Variants in RBFOX1 observed in about 807,000 individuals in gnomAD.
RBFOX1 encodes the protein RNA binding protein fox-1 homolog 1.
Under a neutral mutation model 57.7 loss-of-function variants are expected in RBFOX1, and 8 were observed. The ratio of observed to expected loss-of-function variants is 0.14; its 90% CI spans 0.08 to 0.25. The LOEUF is 0.25. Among genes scored for constraint, RBFOX1 ranks in the 10% least tolerant of loss-of-function variants. The probability of loss-of-function intolerance (pLI) is 1.00; values close to 1 mark genes in which losing one functional copy is unlikely to be tolerated. For synonymous variants in RBFOX1, 326 were observed against 222.4 expected (o/e 1.47, Z -4.15); for missense variants, 611 against 548.5 (o/e 1.11, Z -1.14).
intron 2 of RBFOX1, among the ~76,000 whole-genome samples, chr16:6,539,508 A>G (rs2110614): frequency 9.9e-5 from 15 of 151,764 alleles, no homozygotes; most frequent in African/African-American, 3.6e-4. Flanking sequence ...TTTAAAACAC[A>G]CACGTACAGT....
intron 4 of RBFOX1, among the ~76,000 whole-genome samples, chr16:7,238,808 A>G (rs1333146456): frequency 1.3e-5 from 2 of 152,108 alleles, no homozygotes; most frequent in Non-Finnish European, 2.9e-5. Context: ...CCACCTGCCA[A>G]GAGACCCCAG....
At chr16:7,597,509 C>A in intron 9 of RBFOX1, 78 bp downstream of exon 9, 6 of 1,317,454 alleles carry the variant, frequency 4.6e-6, no homozygotes, top group South Asian at 3.9e-5. Flanking sequence ...GATTCTATTA[C>A]AACAAGCTGT....
At chr16:6,036,331 G>A (rs781209856) in intron 1 of RBFOX1, among the ~76,000 whole-genome samples, 6 of 152,026 alleles carry the variant, frequency 3.9e-5, no homozygotes, top group South Asian at 4.2e-4. Context: ...GGCAACACAG[G>A]TTTCAGAGTT....
rs138962984 is a variant in RBFOX1, at chr16:6,159,305, G to A, written c.-127+139313G>A. On this transcript the variant is annotated intron_variant, in intron 1 of 15. Coordinates refer to ENST00000550418, the MANE Select transcript of RBFOX1 (RefSeq NM_018723.4). ...TTGGCCAAGTTGGTCTTGAACTCCT[G>A]ACCTCAGGTGATCTGCCCGCCTCGG... Among the ~76,000 whole-genome samples, 1,269 of 152,226 alleles carry A rather than the reference G, an allele frequency of 8.3e-3. 8 individuals carry two copies. The highest frequency in any genetic ancestry group is 0.014 in the Non-Finnish European group (950 of 68,012).
At chr16:6,784,762 G>C (rs1346824176) in intron 3 of RBFOX1, among the ~76,000 whole-genome samples, 2 of 151,952 alleles carry the variant, frequency 1.3e-5, no homozygotes, top group Non-Finnish European at 2.9e-5. Context: ...TGTGGTCGGG[G>C]GTTGTGGGGA....
chr16:6,747,295 T>A (rs964683072), intron 3 of RBFOX1, among the ~76,000 whole-genome samples: 2 of 152,046 alleles, frequency 1.3e-5, no homozygotes, highest in Non-Finnish European at 2.9e-5. Context: ...AAATCCCAGC[T>A]ACTCAAGAGG....
intron 3 of RBFOX1, among the ~76,000 whole-genome samples, chr16:6,810,329 G>A (rs564678020): frequency 1.2e-4 from 18 of 152,190 alleles, no homozygotes; most frequent in African/African-American, 2.4e-4. Flanking sequence ...CATGAGGGCC[G>A]TACAGGAGGC....
chr16:7,138,619 A>G (rs1282700956), intron 4 of RBFOX1, among the ~76,000 whole-genome samples: 1 of 152,150 alleles, frequency 6.6e-6, no homozygotes, highest in African/African-American at 2.4e-5. Context: ...CCCATTATGC[A>G]AAAGATAATA....
intron 1 of RBFOX1, among the ~76,000 whole-genome samples, chr16:6,252,518 G>T (rs922759434): frequency 1.3e-5 from 2 of 152,198 alleles, no homozygotes; most frequent in Admixed American, 6.5e-5. Flanking sequence ...GAGTTGGGAA[G>T]TCGACCCGAA....
At chr16:6,752,254 T>A (rs1197903258) in intron 3 of RBFOX1, among the ~76,000 whole-genome samples, 1 of 152,178 alleles carries the variant, frequency 6.6e-6, no homozygotes, top group Non-Finnish European at 1.5e-5. Context: ...TGATTTGTCA[T>A]TTATAACATC....
chr16:7,309,918 A>G (rs1314377872), intron 4 of RBFOX1, among the ~76,000 whole-genome samples: 3 of 152,198 alleles, frequency 2.0e-5, no homozygotes, highest in Non-Finnish European at 2.9e-5. Context: ...AAGTGTCCCA[A>G]TGTTCTGTTT....
intron 10 of RBFOX1, among the ~76,000 whole-genome samples, chr16:7,619,220 A>G (rs2058928266): frequency 6.7e-6 from 1 of 149,390 alleles, no homozygotes; most frequent in African/African-American, 2.5e-5. Flanking sequence ...TCCTCTGGAG[A>G]AAAAAAAAAC....
chr16:7,156,487 A>C (rs989804230), intron 4 of RBFOX1, among the ~76,000 whole-genome samples: 1 of 152,078 alleles, frequency 6.6e-6, no homozygotes, highest in African/African-American at 2.4e-5. Context: ...GTAGATACAC[A>C]TCTATGTGTG....
intron 2 of RBFOX1, among the ~76,000 whole-genome samples, chr16:6,465,598 CTGTGTGTGTGTGTGTGTG>C (rs56131263): frequency 2.8e-5 from 4 of 144,962 alleles, no homozygotes; most frequent in South Asian, 2.3e-4. Flanking sequence ...ATGTATAGGG[CTGTGTGTGTGTGTGTGTG>C]TGTGTGTGTG....
rs1382488980 is a variant in RBFOX1, at chr16:7,164,324, C to T, written c.27+112226C>T. On this transcript the variant is annotated intron_variant, in intron 4 of 15. Coordinates refer to ENST00000550418, the MANE Select transcript of RBFOX1 (RefSeq NM_018723.4). The stretch of plus-strand genomic sequence containing the variant: ...TCCTTTTTATGGCTGAATAGTATTC[C>T]ATGGTCTGTATATACCACATTTTCT... Among the ~76,000 whole-genome samples the T allele has an allele frequency of 2.0e-5, 3 of 152,252 alleles. No individual in the cohort carries two copies. In the South Asian group the frequency reaches 6.2e-4, roughly 32 times the overall value.
chr16:6,624,931 G>C (rs181537389), intron 2 of RBFOX1, among the ~76,000 whole-genome samples: 183 of 152,098 alleles, frequency 1.2e-3, no homozygotes, highest in African/African-American at 4.1e-3. Context: ...GGTCGAGGTC[G>C]AGGCAGGTGG....
At position 5,809,750 on chromosome 16, in the gene RBFOX1, T is replaced by C; in HGVS notation, c.319-57553T>C. 1.3e-5 allele frequency among the ~76,000 whole-genome samples: 2 copies of C among 152,286 alleles called. 1 individual carries two copies. Among genetic ancestry groups the C allele is most frequent in the Non-Finnish European group, 2.9e-5 (2 of 68,028 alleles). ...TGGGACAGTAAACTAGTTCAACCAT[T>C]GTGGAAGTCAGTGTGGCGATTCCTC... On this transcript the variant is annotated intron_variant, in intron 3 of 19. Coordinates refer to the RBFOX1 transcript ENST00000641259.
At chr16:6,860,289 T>C (rs2058760325) in intron 3 of RBFOX1, among the ~76,000 whole-genome samples, 1 of 152,232 alleles carries the variant, frequency 6.6e-6, no homozygotes, top group Non-Finnish European at 1.5e-5. Context: ...ATTTAATGTC[T>C]GATGACTAAA....
chr16:6,649,531 C>T (rs938576719), intron 2 of RBFOX1, among the ~76,000 whole-genome samples: 1 of 152,210 alleles, frequency 6.6e-6, no homozygotes, highest in African/African-American at 2.4e-5. Context: ...ACACTTTCCC[C>T]TGAGTCCGCA....
Sources: allele counts gnomAD v4.1 joint callset (sites outside exome capture counted in the v4.1 genomes callset), GRCh38; gene constraint gnomAD v4.1.1; transcripts MANE v1.5; gene names NCBI Gene and HGNC (gene_info 2026-07-23, HGNC 2026-07-21).